The following PPP1CB variants were observed in gnomAD, a reference collection of about 807,000 sequenced individuals.
PPP1CB encodes protein phosphatase 1 catalytic subunit beta, also known as serine/threonine-protein phosphatase PP1-beta catalytic subunit.
PPP1CB carries 2 observed loss-of-function variants against 43.7 expected under a neutral mutation model. The ratio of observed to expected loss-of-function variants is 0.05; its 90% CI spans 0.02 to 0.14. PPP1CB has a LOEUF of 0.14. Ranked by LOEUF, PPP1CB falls within the 10% of genes least tolerant of loss-of-function variation. PPP1CB has a pLI of 1.00. For synonymous variants in PPP1CB, 136 were observed against 135.6 expected, an observed-to-expected ratio of 1.00 and a Z score of -0.02; for missense variants, 84 against 398.0, an observed-to-expected ratio of 0.21 and a Z score of 6.71.
chr2:28,756,396 T>A (rs982523752), intron 1 of PPP1CB, among the ~76,000 whole-genome samples: 3 of 152,248 alleles, frequency 2.0e-5, no homozygotes, highest in African/African-American at 4.8e-5. Flanking sequence ...ACCTGTCAGA[T>A]GTCTGAATTT....
intron 1 of PPP1CB, among the ~76,000 whole-genome samples, chr2:28,757,133 C>G (rs1479143042): frequency 6.6e-6 from 1 of 152,134 alleles, no homozygotes; most frequent in African/African-American, 2.4e-5. Flanking sequence ...CAAGTGAAAT[C>G]ATACAATATG....
At chr2:28,757,392 A>G (rs1262095811) in intron 1 of PPP1CB, among the ~76,000 whole-genome samples, 1 of 152,182 alleles carries the variant, frequency 6.6e-6, no homozygotes, top group African/African-American at 2.4e-5. Flanking sequence ...TTGGGTATAT[A>G]GCTGGGAGTG....
intron 1 of PPP1CB, among the ~76,000 whole-genome samples, chr2:28,771,511 A>T (rs1666913559): frequency 6.6e-6 from 1 of 152,224 alleles, no homozygotes; most frequent in Non-Finnish European, 1.5e-5. Context: ...TAATTAAGAC[A>T]TTGTGGTATT....
chr2:28,780,003 TGTA>T (rs977664254), intron 3 of PPP1CB, among the ~76,000 whole-genome samples: 1 of 152,144 alleles, frequency 6.6e-6, no homozygotes, highest in African/African-American at 2.4e-5. Flanking sequence ...TGTATGTCCT[TGTA>T]GTGAAAAAAG....
At chr2:28,777,449 G>GA (rs1294055583) in intron 2 of PPP1CB, among the ~76,000 whole-genome samples, 2 of 152,082 alleles carry the variant, frequency 1.3e-5, no homozygotes, top group Non-Finnish European at 2.9e-5. Flanking sequence ...ACACTGGTTA[G>GA]AAAAAAATAG....
intron 1 of PPP1CB, among the ~76,000 whole-genome samples, chr2:28,754,921 T>C (rs1211474959): frequency 2.0e-5 from 3 of 152,202 alleles, no homozygotes; most frequent in Non-Finnish European, 4.4e-5. Flanking sequence ...CCACAACATA[T>C]TCCTGATTGT....
At chr2:28,791,971 C>G (rs947144207) in intron 6 of PPP1CB, among the ~76,000 whole-genome samples, 1 of 152,006 alleles carries the variant, frequency 6.6e-6, no homozygotes, top group Non-Finnish European at 1.5e-5. Context: ...AACTAAAAAA[C>G]CAAGAACTAA....
intron 5 of PPP1CB, among the ~76,000 whole-genome samples, chr2:28,784,917 C>CAAAAA (rs869155670): frequency 2.1e-4 from 17 of 79,100 alleles, no homozygotes; most frequent in Admixed American, 1.0e-3. Flanking sequence ...GAAACTGTCT[C>CAAAAA]AAAAAAAAAA....
At chr2:28,766,757 C>T (rs191304309) in intron 1 of PPP1CB, among the ~76,000 whole-genome samples, 3 of 152,174 alleles carry the variant, frequency 2.0e-5, no homozygotes, top group East Asian at 3.9e-4. Flanking sequence ...CTTCAAGCAC[C>T]GTTTTTACAG....
chr2:28,764,807 C>T (rs1222184292), intron 1 of PPP1CB, among the ~76,000 whole-genome samples: 4 of 152,042 alleles, frequency 2.6e-5, no homozygotes, highest in African/African-American at 9.6e-5. Context: ...TGTAATCCCA[C>T]CTACCCAGTA....
At chr2:28,766,652 G>GGT (rs1666782999) in intron 1 of PPP1CB, among the ~76,000 whole-genome samples, 1 of 152,100 alleles carries the variant, frequency 6.6e-6, no homozygotes, top group African/African-American at 2.4e-5. Flanking sequence ...AACAAGTATT[G>GGT]GTAATACCTG....
chr2:28,774,306 T>TA (rs1305803980), intron 1 of PPP1CB, among the ~76,000 whole-genome samples: 1 of 152,234 alleles, frequency 6.6e-6, no homozygotes, highest in Non-Finnish European at 1.5e-5. Context: ...CTGTTCTCTA[T>TA]AAACAACTAA....
At chr2:28,781,169 C>G (rs1667151834) in intron 3 of PPP1CB, among the ~76,000 whole-genome samples, 1 of 152,000 alleles carries the variant, frequency 6.6e-6, no homozygotes, top group Non-Finnish European at 1.5e-5. Context: ...TCATAAAACA[C>G]CTAGCACAAT....
chr2:28,764,141 G>A (rs1363140753), intron 1 of PPP1CB, among the ~76,000 whole-genome samples: 3 of 151,922 alleles, frequency 2.0e-5, no homozygotes, highest in African/African-American at 7.3e-5. Context: ...GGGAGAGGGA[G>A]AAGAAAAGCA....
chr2:28,777,094 G>C lies in PPP1CB; in HGVS notation c.184+112G>C, dbSNP rs144108958. 18 of 1,109,416 alleles carry C rather than the reference G, an allele frequency of 1.6e-5. No homozygotes were observed. In the East Asian group the frequency reaches 3.9e-4, roughly 24 times the overall value. 68.7% of individuals were successfully genotyped at this position (1,109,416 alleles called of 1,614,324 possible). On this transcript the variant is annotated intron_variant, in intron 2 of 7. Transcript: ENST00000395366. ...ATTTTTGTATAAAACAGATCAGTAG[G>C]CTTTACTAAATAAAAGTGTATAAAA... is the stretch of plus-strand genomic sequence containing the variant.
chr2:28,795,317 G>A (rs1667477771), intron 7 of PPP1CB, among the ~76,000 whole-genome samples: 1 of 152,078 alleles, frequency 6.6e-6, no homozygotes, highest in Admixed American at 6.5e-5. Flanking sequence ...ACAAGTGCTT[G>A]TCTTTTTTTG....
In PPP1CB at chr2:28,802,470, T is replaced by G. The variant is rs1667641698; in HGVS notation, c.*3167T>G. ...AGAAGAGACTTAATCCAAGCCTGAT[T>G]GTACTAGTGGCATCACTTAGAAGTA... On this transcript the variant is annotated 3_prime_UTR_variant, in exon 8 of 8. Transcript: ENST00000395366. 6.6e-6 allele frequency: 1 copy of G among 152,210 alleles called. No homozygotes were observed. The allele number at this position is 152,210 out of a possible 1,614,324, so 9.4% of individuals were successfully genotyped here. A position where few individuals can be genotyped will look rare whatever the true frequency, so the allele number is the denominator to read the frequency against.
chr2:28,794,127 C>T (rs1361509550), intron 7 of PPP1CB, 130 bp downstream of exon 7: 3 of 687,742 alleles, frequency 4.4e-6, no homozygotes, highest in East Asian at 5.7e-5. Context: ...GATTACCACT[C>T]AAACTCATTA....
chr2:28,787,414 G>A (rs1356755396), intron 5 of PPP1CB, among the ~76,000 whole-genome samples: 1 of 152,128 alleles, frequency 6.6e-6, no homozygotes, highest in Non-Finnish European at 1.5e-5. Context: ...AGCAGAGATT[G>A]CACCACTGCA....
Sources: gnomAD v4.1 joint callset for allele counts (sites outside exome capture counted in the v4.1 genomes callset) on GRCh38, gnomAD v4.1.1 for gene constraint, MANE v1.5 for transcripts, NCBI Gene and HGNC (gene_info 2026-07-23, HGNC 2026-07-21) for gene names.